CDH13: variants seen among roughly 807,000 people sequenced by gnomAD.
CDH13 encodes cadherin 13.
A neutral mutation model predicts 63.8 loss-of-function variants in CDH13; 24 were observed. That is an observed-to-expected ratio of 0.38 (90% CI 0.27 to 0.53). The LOEUF is 0.53. Ranked by LOEUF, CDH13 falls within the 20% of genes least tolerant of loss-of-function variation. The pLI, the probability that CDH13 is intolerant of heterozygous loss-of-function variation, is 0.85. For synonymous variants in CDH13, 503 were observed against 355.3 expected (o/e 1.42, Z -4.67); for missense variants, 1,049 against 903.1 (o/e 1.16, Z -2.07).
chr16:83,271,976 TA>T (rs1255469231), intron 5 of CDH13, among the ~76,000 whole-genome samples: 2 of 152,202 alleles, frequency 1.3e-5, no homozygotes, highest in Non-Finnish European at 2.9e-5. Flanking sequence ...ATCATAATGG[TA>T]ATAAACATTT....
At chr16:83,742,167 C>T (rs1427641388) in intron 10 of CDH13, among the ~76,000 whole-genome samples, 3 of 152,234 alleles carry the variant, frequency 2.0e-5, no homozygotes, top group South Asian at 2.1e-4. Flanking sequence ...GAAGTCCTTC[C>T]AGGTCAACAG....
rs192055860 is a variant in CDH13, at chr16:82,772,909, C to T, written c.46-85453C>T. On this transcript the variant is annotated intron_variant, in intron 1 of 13. Coordinates refer to ENST00000567109, the MANE Select transcript of CDH13 (RefSeq NM_001257.5). ...ATGGTTGTGGGGGCATAGGTTGCTT[C>T]AGTGGCCATCAGGATGACCTGGGAG... Among the ~76,000 whole-genome samples, 122 of 152,260 alleles carry T rather than the reference C, an allele frequency of 8.0e-4. No homozygotes were observed. The Middle Eastern group carries it at 0.01, about 13-fold the overall frequency.
At chr16:83,099,720 T>C (rs1201147953) in intron 3 of CDH13, among the ~76,000 whole-genome samples, 1 of 151,840 alleles carries the variant, frequency 6.6e-6, no homozygotes, top group African/African-American at 2.4e-5. Context: ...CCAATTACTT[T>C]ACCTACCTGT....
At chr16:83,025,769 C>G (rs922068338) in intron 2 of CDH13, among the ~76,000 whole-genome samples, 1 of 152,130 alleles carries the variant, frequency 6.6e-6, no homozygotes, top group East Asian at 1.9e-4. Flanking sequence ...AGTCCCCAAC[C>G]TCTACTCTTT....
intron 10 of CDH13, among the ~76,000 whole-genome samples, chr16:83,743,045 AAAAAT>A (rs1912210922): frequency 6.6e-6 from 1 of 152,316 alleles, no homozygotes; most frequent in East Asian, 1.9e-4. Flanking sequence ...CCGCTCTACT[AAAAAT>A]AGAAAATTTA....
chr16:82,949,204 A>G (rs1403006493), intron 2 of CDH13, among the ~76,000 whole-genome samples: 1 of 152,160 alleles, frequency 6.6e-6, no homozygotes, highest in Non-Finnish European at 1.5e-5. Context: ...GGGCCACACT[A>G]CTTTCAGAGT....
intron 2 of CDH13, among the ~76,000 whole-genome samples, chr16:82,870,065 GA>G (rs1220249738): frequency 1.3e-5 from 2 of 151,864 alleles, no homozygotes; most frequent in African/African-American, 4.8e-5. Flanking sequence ...AAATATTTGA[GA>G]ACCACCCGTT....
At chr16:83,622,242 C>T (rs1191011888) in intron 8 of CDH13, among the ~76,000 whole-genome samples, 2 of 152,064 alleles carry the variant, frequency 1.3e-5, no homozygotes, top group African/African-American at 4.8e-5. Context: ...AGGACGATAC[C>T]TGAGACTTCA....
At chr16:83,404,037 G>C (rs758084081) in intron 6 of CDH13, among the ~76,000 whole-genome samples, 1 of 152,140 alleles carries the variant, frequency 6.6e-6, no homozygotes, top group Non-Finnish European at 1.5e-5. Context: ...CTCTTCTACA[G>C]AATATTTTCT....
Position 83,217,325 on chromosome 16 carries a change from C to G in CDH13, c.484-20C>G, listed in dbSNP as rs767145921. The G allele has an allele frequency of 4.3e-6, 7 of 1,613,144 alleles. No individual in the cohort carries two copies. Among genetic ancestry groups the G allele is most frequent in the Admixed American group, 1.7e-5 (1 of 59,986 alleles). On this transcript the variant is annotated intron_variant, in intron 4 of 13. Transcript: ENST00000567109. ...GTGTTTTCCAGGCAGTTTTAAATGT[C>G]TCTCTGTTTTTCTGACTAGGTAGTC...
intron 1 of CDH13, among the ~76,000 whole-genome samples, chr16:82,741,969 T>C (rs762060035): frequency 2.0e-4 from 30 of 152,080 alleles, no homozygotes; most frequent in Non-Finnish European, 3.8e-4. Context: ...TGTGAAAAAA[T>C]TACATAGGAT....
chr16:83,017,701 T>C (rs1914940788), intron 2 of CDH13, among the ~76,000 whole-genome samples: 1 of 152,188 alleles, frequency 6.6e-6, no homozygotes, highest in Admixed American at 6.5e-5. Context: ...TAGGGCTCTG[T>C]ACTATTAGCA....
At chr16:83,664,194 T>C (rs1302070847) in intron 8 of CDH13, among the ~76,000 whole-genome samples, 1 of 152,038 alleles carries the variant, frequency 6.6e-6, no homozygotes, top group African/African-American at 2.4e-5. Flanking sequence ...CACCAATGAC[T>C]AGGACTATGA....
chr16:83,259,722 A>G (rs1906732621), intron 5 of CDH13, among the ~76,000 whole-genome samples: 1 of 152,072 alleles, frequency 6.6e-6, no homozygotes, highest in African/African-American at 2.4e-5. Context: ...GGTATACGTG[A>G]TTTTGACTGA....
intron 7 of CDH13, among the ~76,000 whole-genome samples, chr16:83,550,978 C>T (rs894086218): frequency 6.6e-6 from 1 of 152,102 alleles, no homozygotes; most frequent in Admixed American, 6.6e-5. Context: ...TTCTCTGAAG[C>T]CAATTTGCAT....
intron 8 of CDH13, chr16:83,655,378 A>G (rs1912779438): frequency 6.6e-6 from 1 of 152,296 alleles, no homozygotes; most frequent in African/African-American, 2.4e-5. Context: ...ACAGAGGTGA[A>G]GTTGCTTGTG....
intron 5 of CDH13, among the ~76,000 whole-genome samples, chr16:83,217,864 G>C (rs1028546463): frequency 6.6e-6 from 1 of 152,216 alleles, no homozygotes; most frequent in Admixed American, 6.5e-5. Flanking sequence ...TAATTAGCAA[G>C]ACATGGTCCT....
At position 83,325,073 on chromosome 16, in the gene CDH13, C is replaced by G. The variant is rs112672906; in HGVS notation, c.637-19789C>G. Among the ~76,000 whole-genome samples the G allele has an allele frequency of 3.3e-5, 5 of 152,316 alleles. 1 individual carries two copies. Among genetic ancestry groups the G allele is most frequent in the African/African-American group, 1.2e-4 (5 of 41,558 alleles). ...TGAACTTCCATCAGACAGACCTTCT[C>G]TGAACAGCCTTCATCCGCAATCTAA... On this transcript the variant is annotated intron_variant, in intron 5 of 13. Transcript: ENST00000567109.
chr16:83,335,314 G>A (rs1004327060), intron 5 of CDH13, among the ~76,000 whole-genome samples: 17 of 151,914 alleles, frequency 1.1e-4, no homozygotes, highest in African/African-American at 1.9e-4. Flanking sequence ...AACAATTACC[G>A]GCTCTTAACT....
Sources: gnomAD v4.1 joint callset for allele counts (sites outside exome capture counted in the v4.1 genomes callset) on GRCh38, gnomAD v4.1.1 for gene constraint, MANE v1.5 for transcripts, NCBI Gene and HGNC (gene_info 2026-07-23, HGNC 2026-07-21) for gene names.